Variants in PRR16 observed in about 807,000 individuals in gnomAD.
The protein encoded by PRR16 is protein Largen.
PRR16 carries 6 observed loss-of-function variants against 18.2 expected under a neutral mutation model. That is an observed-to-expected ratio of 0.33 (90% CI 0.18 to 0.65). The LOEUF (loss-of-function observed/expected upper bound fraction) is 0.65, where lower values mean the gene tolerates loss of function less well. PRR16 is among the 30% of genes least tolerant of loss of function. The pLI is 0.74. For missense variants in PRR16, 412 were observed against 376.6 expected (o/e 1.09, Z -0.78); for synonymous variants, 151 against 147.8 (o/e 1.02, Z -0.16).
chr5:120,609,641 C>T (rs1052271358), intron 1 of PRR16, among the ~76,000 whole-genome samples: 5 of 152,142 alleles, frequency 3.3e-5, no homozygotes, highest in African/African-American at 1.2e-4. Flanking sequence ...AACACTTACA[C>T]ATTTTTAAAA....
At position 120,686,202 on chromosome 5, in the gene PRR16, C is replaced by A. The variant is rs1339812925; in HGVS notation, c.408C>A (p.Asp136Glu). 2 of 1,614,148 alleles carry A rather than the reference C, an allele frequency of 1.2e-6. No individual in the cohort carries two copies. Among genetic ancestry groups the A allele is most frequent in the South Asian group, 1.1e-5 (1 of 91,086 alleles). Residue 136 changes from aspartate to glutamate, a missense_variant, in exon 2 of 2, where the codon GAC becomes GAA. Coordinates refer to ENST00000407149, the MANE Select transcript of PRR16 (RefSeq NM_001300783.2). ...PPRLTPVKCE[D>E]PKRVVPTANP... ...GGTTGACACCTGTGAAGTGTGAAGA[C>A]CCCAAAAGGGTGGTTCCAACTGCCA...
the PRR16 span, among the ~76,000 whole-genome samples, chr5:120,765,407 A>G: frequency 2.0e-5 from 3 of 152,084 alleles, no homozygotes; most frequent in Admixed American, 2.0e-4. Context: ...AAAGCTGTTT[A>G]GAATAAATCA....
the PRR16 span, among the ~76,000 whole-genome samples, chr5:120,786,381 G>C: frequency 6.6e-6 from 1 of 151,602 alleles, no homozygotes; most frequent in East Asian, 1.9e-4. Context: ...AACTGTATCT[G>C]GTTTGGGAGG....
At chr5:120,508,925 T>A (rs919735208) in intron 1 of PRR16, among the ~76,000 whole-genome samples, 1 of 152,070 alleles carries the variant, frequency 6.6e-6, no homozygotes, top group Non-Finnish European at 1.5e-5. Flanking sequence ...TACTATATGC[T>A]CCTTTTTGTA....
intron 1 of PRR16, among the ~76,000 whole-genome samples, chr5:120,624,248 T>A (rs939278874): frequency 1.3e-5 from 2 of 152,150 alleles, no homozygotes; most frequent in Non-Finnish European, 2.9e-5. Context: ...ATTACACTCA[T>A]ATAAAATGGA....
the PRR16 span, among the ~76,000 whole-genome samples, chr5:120,791,620 TATCCATCCATCTATC>T: frequency 5.1e-5 from 7 of 136,320 alleles, no homozygotes; most frequent in Admixed American, 3.7e-4. Flanking sequence ...TCTATCTATC[TATCCATCCATCTATC>T]ATCTATCTAT....
At chr5:120,616,993 C>G in intron 1 of PRR16, 1 of 348,338 alleles carries the variant, frequency 2.9e-6, no homozygotes, top group Non-Finnish European at 4.0e-6. Context: ...ACGAATGCCT[C>G]CCCATCCATT....
the PRR16 span, among the ~76,000 whole-genome samples, chr5:120,730,047 G>C: frequency 2.0e-5 from 3 of 152,008 alleles, no homozygotes; most frequent in African/African-American, 7.2e-5. Flanking sequence ...AGTATGAGAC[G>C]TCAACCAGAA....
At chr5:120,756,696 T>C in the PRR16 span, among the ~76,000 whole-genome samples, 1 of 152,230 alleles carries the variant, frequency 6.6e-6, no homozygotes, top group East Asian at 1.9e-4. Context: ...ATATTAGACC[T>C]TTGTTGGGTT....
chr5:120,697,292 G>A, the PRR16 span, among the ~76,000 whole-genome samples: 2 of 152,088 alleles, frequency 1.3e-5, no homozygotes, highest in East Asian at 1.9e-4. Flanking sequence ...GCTAAACTCC[G>A]TCCCAATCAC....
chr5:120,541,499 T>C (rs72788250), intron 1 of PRR16, among the ~76,000 whole-genome samples: 1 of 152,296 alleles, frequency 6.6e-6, no homozygotes, highest in Non-Finnish European at 1.5e-5. Flanking sequence ...CTGTGTCATT[T>C]CTCGTCACAA....
At chr5:120,553,387 A>T (rs1463761670) in intron 1 of PRR16, among the ~76,000 whole-genome samples, 1 of 151,940 alleles carries the variant, frequency 6.6e-6, no homozygotes, top group Non-Finnish European at 1.5e-5. Context: ...AATCTTTCCA[A>T]ATAATGATGC....
chr5:120,688,947 A>G (rs1757178885), downstream of PRR16, among the ~76,000 whole-genome samples: 1 of 152,192 alleles, frequency 6.6e-6, no homozygotes, highest in African/African-American at 2.4e-5. Flanking sequence ...AAGCTTCTCC[A>G]TGAAAGACCA....
intron 1 of PRR16, among the ~76,000 whole-genome samples, chr5:120,685,299 C>CTT (rs1212936143): frequency 2.0e-5 from 3 of 152,180 alleles, no homozygotes; most frequent in African/African-American, 7.2e-5. Flanking sequence ...GATACTGTGT[C>CTT]TGAGACTCCC....
chr5:120,513,202 T>G (rs1750884453), intron 1 of PRR16, among the ~76,000 whole-genome samples: 1 of 152,190 alleles, frequency 6.6e-6, no homozygotes, highest in South Asian at 2.1e-4. Context: ...GCAGGATGTC[T>G]GCAACCTGTC....
chr5:120,701,352 G>C, the PRR16 span, among the ~76,000 whole-genome samples: 1 of 152,230 alleles, frequency 6.6e-6, no homozygotes, highest in East Asian at 1.9e-4. Flanking sequence ...GCTGTAAAGT[G>C]TCTCAGGGTT....
intron 1 of PRR16, among the ~76,000 whole-genome samples, chr5:120,664,665 T>A (rs938580830): frequency 1.3e-5 from 2 of 152,052 alleles, no homozygotes; most frequent in Non-Finnish European, 2.9e-5. Context: ...TGTCCATGTG[T>A]TCTCATTGTT....
chr5:120,740,810 T>G, the PRR16 span, among the ~76,000 whole-genome samples: 17 of 152,304 alleles, frequency 1.1e-4, no homozygotes, highest in African/African-American at 3.8e-4. Flanking sequence ...TTTTATAATA[T>G]GCAGCATTAT....
At chr5:120,781,392 G>GGAAT in the PRR16 span, 1 of 152,146 alleles carries the variant, frequency 6.6e-6, no homozygotes, top group East Asian at 1.9e-4. Flanking sequence ...GATGAAAATG[G>GGAAT]GAATGCTTTT....
Sources: allele counts gnomAD v4.1 joint callset (sites outside exome capture counted in the v4.1 genomes callset), GRCh38; gene constraint gnomAD v4.1.1; transcripts MANE v1.5; gene names NCBI Gene and HGNC (gene_info 2026-07-23, HGNC 2026-07-21).